The following TRIM33 variants were observed in gnomAD, a reference collection of about 807,000 sequenced individuals.
TRIM33 encodes the protein tripartite motif containing 33.
A neutral mutation model predicts 125.4 loss-of-function variants in TRIM33; 20 were observed. The observed-to-expected ratio is 0.16, with a 90% CI of 0.11 to 0.23. The LOEUF (loss-of-function observed/expected upper bound fraction) is 0.23, where lower values mean the gene tolerates loss of function less well. TRIM33 is among the 10% of genes least tolerant of loss of function. TRIM33 has a pLI of 1.00. For missense variants in TRIM33, 920 were observed against 1,411.4 expected (o/e 0.65, Z 5.58); for synonymous variants, 564 against 513.9 (o/e 1.10, Z -1.32).
intron 1 of TRIM33, among the ~76,000 whole-genome samples, chr1:114,483,923 C>T (rs1431278649): frequency 1.3e-5 from 2 of 152,040 alleles, no homozygotes; most frequent in Non-Finnish European, 2.9e-5. Flanking sequence ...GAAAACGATG[C>T]CCAAATTTCT....
intron 4 of TRIM33, among the ~76,000 whole-genome samples, chr1:114,456,329 CAA>C (rs1557875831): frequency 6.6e-6 from 1 of 152,050 alleles, no homozygotes; most frequent in African/African-American, 2.4e-5. Context: ...ACCTGTTGGA[CAA>C]AAAGAAATTA....
In TRIM33 at chr1:114,425,517, C is replaced by T. The variant is rs1288050368; in HGVS notation, c.1627G>A (p.Val543Ile). The change falls in exon 9 of 20, where the codon GTA (valine) becomes ATA (isoleucine). Residue 543 changes from valine (V) to isoleucine (I), a missense_variant. Around this residue, in one of 8 missense-constraint regions of TRIM33, gnomAD observed 407 missense variants for 589.7 expected, o/e 0.69. Coordinates refer to ENST00000358465, the MANE Select transcript of TRIM33 (RefSeq NM_015906.4). ...QMRMQQPPAPVPTTTTTTQQH... is the reference protein window; with the variant it reads ...QMRMQQPPAPIPTTTTTTQQH... ...TGTGTTGTTGTTGTTGTAGTTGGTACAGGTGCTGGTGGTTGCTGCATCCTC... is the reference window on the plus strand; with the variant it reads ...TGTGTTGTTGTTGTTGTAGTTGGTATAGGTGCTGGTGGTTGCTGCATCCTC... 6.8e-6 allele frequency: 11 copies of T among 1,613,952 alleles called. No individual in the cohort carries two copies. Among genetic ancestry groups the T allele is most frequent in the Non-Finnish European group, 9.3e-6 (11 of 1,180,018 alleles).
At chr1:114,429,988 T>C (rs529645300) in intron 6 of TRIM33, among the ~76,000 whole-genome samples, 47 of 152,192 alleles carry the variant, frequency 3.1e-4, no homozygotes, top group East Asian at 9.7e-4. Context: ...CTTCAAAATA[T>C]GCAATATAAA....
Position 114,393,173 on chromosome 1 carries a change from A to G in TRIM33, c.*4475T>C, listed in dbSNP as rs1275184134. On this transcript the variant is annotated 3_prime_UTR_variant, in exon 20 of 20. Transcript: ENST00000358465. Reference sequence around the variant, plus strand: ...CCAATTGAAATACTGGAAGCAAGGAACTAGTAAGGCTGTGAATTTAACCCT... The same window carrying G: ...CCAATTGAAATACTGGAAGCAAGGAGCTAGTAAGGCTGTGAATTTAACCCT... The G allele has an allele frequency of 4.6e-6, 1 of 215,592 alleles. No individual in the cohort carries two copies. Among genetic ancestry groups the G allele is most frequent in the Non-Finnish European group, 9.4e-6 (1 of 106,442 alleles). 13.4% of individuals were successfully genotyped at this position (215,592 alleles called of 1,614,324 possible).
chr1:114,422,207 C>A (rs1647245950), intron 10 of TRIM33, among the ~76,000 whole-genome samples: 1 of 152,062 alleles, frequency 6.6e-6, no homozygotes, highest in Non-Finnish European at 1.5e-5. Flanking sequence ...AGAAGAAAAT[C>A]TTAAGAAAAC....
At chr1:114,469,086 C>T in intron 1 of TRIM33, 1 of 233,138 alleles carries the variant, frequency 4.3e-6, no homozygotes, top group Non-Finnish European at 8.4e-6. Flanking sequence ...AAGATTCCAA[C>T]AGAAACAGAA....
At chr1:114,490,339 GAA>G (rs2101532471) in intron 1 of TRIM33, among the ~76,000 whole-genome samples, 1 of 152,144 alleles carries the variant, frequency 6.6e-6, no homozygotes, top group Admixed American at 6.5e-5. Context: ...AAACCACAAT[GAA>G]ATACTATGTC....
At chr1:114,493,659 A>C (rs1437758362) in intron 1 of TRIM33, among the ~76,000 whole-genome samples, 1 of 151,900 alleles carries the variant, frequency 6.6e-6, no homozygotes, top group Non-Finnish European at 1.5e-5. Context: ...GCATGTGAAA[A>C]TCCAGTTGTA....
rs1455483854 is a variant in TRIM33 at position 114,397,352 on chromosome 1, T to A, written c.*296A>T. 7.0e-6 allele frequency: 3 copies of A among 428,066 alleles called. No individual in the cohort carries two copies. Among genetic ancestry groups the A allele is most frequent in the Non-Finnish European group, 8.4e-6 (2 of 238,026 alleles). The allele number at this position is 428,066 out of a possible 1,614,324, so 26.5% of individuals were successfully genotyped here. ...TCAATAGCACACAATCATCAATATT[T>A]GCCATTTCTAACAATCAGAGAATCA... On this transcript the variant is annotated 3_prime_UTR_variant, in exon 20 of 20. Transcript: ENST00000358465.
intron 1 of TRIM33, among the ~76,000 whole-genome samples, chr1:114,507,434 G>T (rs1413328656): frequency 6.6e-6 from 1 of 152,228 alleles, no homozygotes; most frequent in Non-Finnish European, 1.5e-5. Flanking sequence ...CAGTTAGGCA[G>T]GAGGGCATTA....
At chr1:114,491,897 A>G (rs1652092309) in intron 1 of TRIM33, among the ~76,000 whole-genome samples, 1 of 152,206 alleles carries the variant, frequency 6.6e-6, no homozygotes, top group Admixed American at 6.5e-5. Flanking sequence ...AGCTTACCTT[A>G]CACGTGTTTT....
rs763385300 is a variant in TRIM33 at position 114,463,214 on chromosome 1, T to C, written c.813A>G (p.Gln271=). 53 of 1,608,536 alleles carry C rather than the reference T, an allele frequency of 3.3e-5. No individual in the cohort carries two copies. Among genetic ancestry groups the C allele is most frequent in the Non-Finnish European group, 4.2e-5 (50 of 1,178,624 alleles). The change falls in exon 4 of 20, where the codon CAA becomes CAG. Residue 271 remains glutamine (Q), a synonymous_variant. Coordinates refer to ENST00000358465, the MANE Select transcript of TRIM33 (RefSeq NM_015906.4). ...DVSESVGASG[Q]RPVFCPVHKQ... is the part of the protein sequence containing the mutation. ...TGTGTACAGGGCAGAAAACAGGGCG[T>C]TGACCAGATGCTCCAACAGACTCTG...
chr1:114,466,996 G>GA (rs1047598740), intron 1 of TRIM33, among the ~76,000 whole-genome samples: 1 of 152,202 alleles, frequency 6.6e-6, no homozygotes, highest in African/African-American at 2.4e-5. Flanking sequence ...CATTAAAGGT[G>GA]AAAAAATTGA....
At chr1:114,418,473 G>A (rs978743166) in intron 11 of TRIM33, among the ~76,000 whole-genome samples, 4 of 152,138 alleles carry the variant, frequency 2.6e-5, no homozygotes, top group African/African-American at 7.2e-5. Context: ...CTTGAGACAA[G>A]CTGACTTTGG....
At chr1:114,490,499 A>G (rs1353566472) in intron 1 of TRIM33, among the ~76,000 whole-genome samples, 2 of 152,224 alleles carry the variant, frequency 1.3e-5, no homozygotes, top group Admixed American at 6.5e-5. Flanking sequence ...AAGATTAAAT[A>G]TAAGTTACCA....
intron 4 of TRIM33, among the ~76,000 whole-genome samples, chr1:114,462,470 G>A (rs1199156496): frequency 6.6e-6 from 1 of 152,168 alleles, no homozygotes; most frequent in African/African-American, 2.4e-5. Flanking sequence ...TGGACTATGG[G>A]TGACACCATC....
chr1:114,427,833 G>A lies in TRIM33; in HGVS notation c.1217C>T (p.Ser406Phe). Residue 406 changes from serine (S) to phenylalanine (F), a missense_variant, in exon 7 of 20, where the codon TCC becomes TTC. Ser to Phe is a radical substitution (Grantham distance 155). Transcript: ENST00000358465. Reference protein sequence around the residue: ...LQQQNDITGLSRQVKHVMNFT... With the variant: ...LQQQNDITGLFRQVKHVMNFT... ...GTTCATAACATGCTTCACCTGCCGG[G>A]AAAGGCCTGTGATGTCATTCTGCTG... is the stretch of plus-strand genomic sequence containing the variant. 2 of 1,614,120 alleles carry A rather than the reference G, an allele frequency of 1.2e-6. No individual in the cohort carries two copies. The highest frequency in any genetic ancestry group is 1.7e-6 in the Non-Finnish European group (2 of 1,179,998).
At chr1:114,472,989 C>T (rs1325498512) in intron 1 of TRIM33, among the ~76,000 whole-genome samples, 1 of 151,602 alleles carries the variant, frequency 6.6e-6, no homozygotes, top group African/African-American at 2.4e-5. Context: ...AAAGAAATAG[C>T]ACTCAAATAT....
chr1:114,437,686 A>G (rs190365778), intron 4 of TRIM33, among the ~76,000 whole-genome samples: 35 of 152,278 alleles, frequency 2.3e-4, no homozygotes, highest in Admixed American at 9.2e-4. Flanking sequence ...ACTATTCTCC[A>G]TATTTCAAAA....
Sources: gnomAD v4.1 joint callset for allele counts (sites outside exome capture counted in the v4.1 genomes callset) on GRCh38, gnomAD v4.1.1 for gene constraint, gnomAD v4.1.1 regional missense constraint, MANE v1.5 for transcripts, NCBI Gene and HGNC (gene_info 2026-07-23, HGNC 2026-07-21) for gene names.